The following XPR1 variants were observed in gnomAD, a reference collection of about 807,000 sequenced individuals.
XPR1 encodes xenotropic and polytropic retrovirus receptor 1, also known as solute carrier family 53 member 1.
In XPR1, 28 loss-of-function variants were observed where a neutral mutation model predicts 87.5. That is an observed-to-expected ratio of 0.32 (90% CI 0.24 to 0.44). XPR1 has a LOEUF of 0.44. Among genes scored for constraint, XPR1 ranks in the 20% least tolerant of loss-of-function variants. The pLI, the probability that XPR1 is intolerant of heterozygous loss-of-function variation, is 1.00. For synonymous variants in XPR1, 300 were observed against 306.1 expected (o/e 0.98, Z 0.21); for missense variants, 559 against 862.3 (o/e 0.65, Z 4.41).
At chr1:180,780,577 G>A (rs1045507974) in intron 2 of XPR1, among the ~76,000 whole-genome samples, 1 of 151,738 alleles carries the variant, frequency 6.6e-6, no homozygotes, top group Non-Finnish European at 1.5e-5. Context: ...TTCCATCCTG[G>A]CTAACATGGT....
rs139399868 is a variant in XPR1, at chr1:180,765,816, A to G, written c.122-21937A>G. 1.6e-4 allele frequency among the ~76,000 whole-genome samples: 24 copies of G among 152,168 alleles called. No homozygotes were observed. In the East Asian group the frequency reaches 4.4e-3, roughly 28 times the overall value. ...CCAAGGATGGGGAACCCATGAATAT[A>G]GAGGGCTGACTGAATATGCTCCCTT... On this transcript the variant is annotated intron_variant, in intron 2 of 14. Coordinates refer to ENST00000367590, the MANE Select transcript of XPR1 (RefSeq NM_004736.4).
chr1:180,823,288 G>C (rs1650706697), intron 7 of XPR1, among the ~76,000 whole-genome samples: 1 of 151,812 alleles, frequency 6.6e-6, no homozygotes, highest in Non-Finnish European at 1.5e-5. Context: ...CAAATGAGCA[G>C]TACTGTCAAT....
rs1324751204 is a variant in XPR1, at chr1:180,715,636, ACAAT to A, written c.121+33229_121+33232del. ...CTGTATGGGAAAAGGTCAATGATCA[ACAAT>A]CAAGAGTTACAGAGAAGTTGTTTTT... On this transcript the variant is annotated intron_variant, in intron 2 of 14. Coordinates refer to ENST00000367590, the MANE Select transcript of XPR1 (RefSeq NM_004736.4). Among the ~76,000 whole-genome samples the A allele has an allele frequency of 3.9e-5, 6 of 152,160 alleles. No individual in the cohort carries two copies. The East Asian group carries it at 1.2e-3, about 29-fold the overall frequency.
At chr1:180,791,566 C>G (rs976724990) in intron 3 of XPR1, among the ~76,000 whole-genome samples, 1 of 141,668 alleles carries the variant, frequency 7.1e-6, no homozygotes, top group African/African-American at 3.2e-5. Flanking sequence ...CATGTAGATA[C>G]TTTATTTTGA....
intron 10 of XPR1, among the ~76,000 whole-genome samples, chr1:180,835,692 C>A (rs1293732321): frequency 6.6e-6 from 1 of 152,108 alleles, no homozygotes. Flanking sequence ...TTTCAGAATT[C>A]AAGGAAAAGT....
intron 2 of XPR1, among the ~76,000 whole-genome samples, chr1:180,715,976 A>G (rs542592521): frequency 3.3e-5 from 5 of 152,222 alleles, no homozygotes; most frequent in African/African-American, 1.2e-4. Flanking sequence ...CCCGGCTGAG[A>G]AGTTGTTTTA....
intron 2 of XPR1, among the ~76,000 whole-genome samples, chr1:180,760,653 T>C (rs1377808606): frequency 6.6e-6 from 1 of 152,138 alleles, no homozygotes; most frequent in African/African-American, 2.4e-5. Context: ...TGCTCATGGG[T>C]AGGAAGAATC....
At chr1:180,657,847 A>G (rs1337809347) in intron 1 of XPR1, among the ~76,000 whole-genome samples, 1 of 152,038 alleles carries the variant, frequency 6.6e-6, no homozygotes, top group Non-Finnish European at 1.5e-5. Flanking sequence ...TTTGATAGAG[A>G]TTGCATTGAA....
chr1:180,687,018 C>G (rs1333100128), intron 2 of XPR1, among the ~76,000 whole-genome samples: 1 of 152,042 alleles, frequency 6.6e-6, no homozygotes, highest in East Asian at 1.9e-4. Context: ...TAAGGTTTAA[C>G]AGTAAGTTTA....
At chr1:180,652,702 A>G (rs1443146387) in intron 1 of XPR1, among the ~76,000 whole-genome samples, 3 of 152,250 alleles carry the variant, frequency 2.0e-5, no homozygotes, top group Non-Finnish European at 1.5e-5. Context: ...AAGATGTTGC[A>G]TATGATGTAA....
At chr1:180,856,092 C>T (rs988539792) in intron 11 of XPR1, among the ~76,000 whole-genome samples, 21 of 152,004 alleles carry the variant, frequency 1.4e-4, no homozygotes, top group Non-Finnish European at 2.6e-4. Context: ...AGTCTTTTTT[C>T]CTTTTCTCTA....
intron 2 of XPR1, among the ~76,000 whole-genome samples, chr1:180,714,365 CTCTCTCTCTCTCTCTCT>C (rs1557970779): frequency 7.0e-6 from 1 of 141,968 alleles, no homozygotes; most frequent in African/African-American, 2.7e-5. Context: ...CTCTCTCTCT[CTCTCTCTCTCTCTCTCT>C]CTCTCTCTCT....
intron 14 of XPR1, 103 bp downstream of exon 14, chr1:180,880,400 A>C: frequency 3.1e-6 from 4 of 1,290,646 alleles, no homozygotes; most frequent in Non-Finnish European, 4.3e-6. Flanking sequence ...TGAAATTGCC[A>C]ATACTCAGCC....
At chr1:180,879,700 G>A (rs1176537912) in intron 13 of XPR1, among the ~76,000 whole-genome samples, 1 of 152,078 alleles carries the variant, frequency 6.6e-6, no homozygotes, top group African/African-American at 2.4e-5. Context: ...ATCATTAGCC[G>A]ATTGATTGTT....
At chr1:180,793,050 C>G (rs1304304979) in intron 3 of XPR1, among the ~76,000 whole-genome samples, 1 of 151,460 alleles carries the variant, frequency 6.6e-6, no homozygotes, top group Non-Finnish European at 1.5e-5. Flanking sequence ...TTTTTGACTT[C>G]GGTTACATTG....
At chr1:180,657,739 C>G (rs2101913148) in intron 1 of XPR1, among the ~76,000 whole-genome samples, 1 of 152,092 alleles carries the variant, frequency 6.6e-6, no homozygotes. Context: ...CTCCAGTTTT[C>G]TTTTTGCTCA....
intron 3 of XPR1, among the ~76,000 whole-genome samples, chr1:180,791,011 G>A (rs115827341): frequency 0.041 from 6,229 of 152,180 alleles, 159 homozygotes; most frequent in African/African-American, 0.072. Context: ...AGCAGGAGGA[G>A]GAGGAGGAAA....
chr1:180,828,621 G>A (rs1650946580), intron 9 of XPR1, among the ~76,000 whole-genome samples: 1 of 152,172 alleles, frequency 6.6e-6, no homozygotes. Flanking sequence ...ATAGAGAGGT[G>A]TTGTCATTTA....
At chr1:180,804,658 G>T (rs1362121043) in intron 4 of XPR1, among the ~76,000 whole-genome samples, 1 of 152,040 alleles carries the variant, frequency 6.6e-6, no homozygotes, top group Non-Finnish European at 1.5e-5. Flanking sequence ...TCCCATATCT[G>T]CAGTAATCTT....
Sources: gnomAD v4.1 joint callset for allele counts (sites outside exome capture counted in the v4.1 genomes callset) on GRCh38, gnomAD v4.1.1 for gene constraint, MANE v1.5 for transcripts, NCBI Gene and HGNC (gene_info 2026-07-23, HGNC 2026-07-21) for gene names.